CCDC178: variants seen among roughly 807,000 people sequenced by gnomAD.
CCDC178 encodes the protein coiled-coil domain containing 178.
In CCDC178, 126 loss-of-function variants were observed where a neutral mutation model predicts 117.4. The ratio of observed to expected loss-of-function variants is 1.07; its 90% CI spans 0.93 to 1.24. CCDC178 has a LOEUF of 1.24. Ranked by LOEUF, CCDC178 falls within the 50% of genes most tolerant of loss-of-function variation. The probability of loss-of-function intolerance (pLI) is 0.00; values close to 1 mark genes in which losing one functional copy is unlikely to be tolerated. For synonymous variants in CCDC178, 283 were observed against 313.4 expected, an observed-to-expected ratio of 0.90 and a Z score of 1.02; for missense variants, 1,030 against 986.9, an observed-to-expected ratio of 1.04 and a Z score of -0.59.
chr18:33,247,849 T>C (rs1267713530), intron 14 of CCDC178, among the ~76,000 whole-genome samples: 1 of 151,818 alleles, frequency 6.6e-6, no homozygotes, highest in African/African-American at 2.4e-5. Context: ...TGGTGTGTGT[T>C]TGAGTATGTG....
chr18:33,079,243 G>A (rs1199378917), intron 21 of CCDC178, among the ~76,000 whole-genome samples: 1 of 152,076 alleles, frequency 6.6e-6, no homozygotes. Context: ...TTTGAAACTG[G>A]ACCCCTTCCT....
chr18:33,031,114 T>C (rs929307107), intron 21 of CCDC178, among the ~76,000 whole-genome samples: 3 of 152,172 alleles, frequency 2.0e-5, no homozygotes, highest in Non-Finnish European at 4.4e-5. Context: ...CATCCATTTG[T>C]TTCTTTCTAG....
intron 20 of CCDC178, among the ~76,000 whole-genome samples, chr18:33,197,336 C>A (rs458671): frequency 6.8e-4 from 104 of 152,262 alleles, no homozygotes; most frequent in Middle Eastern, 3.4e-3. Flanking sequence ...GCCACTTGAT[C>A]TTAGTACCCA....
rs2054994898 is a variant in CCDC178, at chr18:32,974,597, T to C, written c.2473A>G (p.Asn825Asp). Reference sequence around the variant, plus strand: ...CTCTCCTGAGAGTCTGTCTGGAAGTTGGCCAGCCTCATCTGGCTGAAGAGG... The same window carrying C: ...CTCTCCTGAGAGTCTGTCTGGAAGTCGGCCAGCCTCATCTGGCTGAAGAGG... Reference protein sequence around the residue: ...VVLFSQMRLANFQTDSQESIQ... With the variant: ...VVLFSQMRLADFQTDSQESIQ... Residue 825 changes from asparagine (N) to aspartate (D), a missense_variant, in exon 22 of 23, where the codon AAC becomes GAC. Physicochemically the swap from Asn to Asp is conservative, Grantham distance 23 (BLOSUM62 1). Transcript: ENST00000383096. The C allele has an allele frequency of 3.1e-6, 5 of 1,613,612 alleles. No individual in the cohort carries two copies. Among genetic ancestry groups the C allele is most frequent in the Admixed American group, 3.3e-5 (2 of 59,974 alleles).
chr18:33,307,292 C>A (rs771062118), intron 11 of CCDC178, among the ~76,000 whole-genome samples: 2 of 152,122 alleles, frequency 1.3e-5, no homozygotes, highest in Admixed American at 1.3e-4. Context: ...GTGATATGGA[C>A]AATGAAGTCC....
chr18:33,189,835 A>G (rs558874583), intron 20 of CCDC178, among the ~76,000 whole-genome samples: 1 of 152,322 alleles, frequency 6.6e-6, no homozygotes, highest in South Asian at 2.1e-4. Context: ...AGTTTAGAGT[A>G]TGTCAAAAGA....
intron 17 of CCDC178, among the ~76,000 whole-genome samples, chr18:33,224,170 T>G (rs1321420871): frequency 6.6e-6 from 1 of 152,132 alleles, no homozygotes; most frequent in African/African-American, 2.4e-5. Context: ...ATGTCTCAAA[T>G]AAATATATGT....
intron 11 of CCDC178, among the ~76,000 whole-genome samples, chr18:33,320,674 G>T (rs1449219016): frequency 3.3e-5 from 5 of 151,996 alleles, no homozygotes; most frequent in Admixed American, 6.6e-5. Flanking sequence ...CAAGGTAATT[G>T]ATAGATTCAA....
intron 21 of CCDC178, among the ~76,000 whole-genome samples, chr18:33,066,822 G>T (rs1214022469): frequency 6.6e-6 from 1 of 152,122 alleles, no homozygotes. Context: ...ATGTATATAT[G>T]CACCCAACAC....
intron 20 of CCDC178, among the ~76,000 whole-genome samples, chr18:33,127,171 C>T (rs2058017668): frequency 6.7e-6 from 1 of 150,220 alleles, no homozygotes; most frequent in African/African-American, 2.4e-5. Flanking sequence ...TTGAAATCTC[C>T]CTTTTCAGTT....
In CCDC178 at chr18:32,983,441, C is replaced by A. The variant is rs2055194278; in HGVS notation, c.2389-8760G>T. 10 of 731,774 alleles carry A rather than the reference C, an allele frequency of 1.4e-5. No homozygotes were observed. In the East Asian group the frequency reaches 2.4e-4, roughly 18 times the overall value. 45.3% of individuals were successfully genotyped at this position (731,774 alleles called of 1,614,324 possible). Reference sequence around the variant, plus strand: ...TACAAACACAGTCAAACAAATAGTACAACTGTAGAAGCAGCTCTAAGATTT... The same window carrying A: ...TACAAACACAGTCAAACAAATAGTAAAACTGTAGAAGCAGCTCTAAGATTT... On this transcript the variant is annotated intron_variant, in intron 21 of 22. Coordinates refer to ENST00000383096, the MANE Select transcript of CCDC178 (RefSeq NM_001105528.4).
intron 22 of CCDC178, among the ~76,000 whole-genome samples, chr18:32,947,495 A>G (rs1338821460): frequency 6.6e-6 from 1 of 152,158 alleles, no homozygotes; most frequent in Admixed American, 6.5e-5. Context: ...TGCCATTTGT[A>G]TATCTTCTTT....
At chr18:33,259,294 T>A (rs1039827122) in intron 14 of CCDC178, among the ~76,000 whole-genome samples, 2 of 152,212 alleles carry the variant, frequency 1.3e-5, no homozygotes, top group Admixed American at 1.3e-4. Context: ...TGAGCTGCAG[T>A]GCAGAAGCTC....
chr18:33,229,240 G>A (rs189854027), intron 15 of CCDC178, among the ~76,000 whole-genome samples: 12 of 152,232 alleles, frequency 7.9e-5, no homozygotes, highest in Middle Eastern at 3.4e-3. Context: ...CATCAGATTT[G>A]CCCCAAGTTG....
intron 15 of CCDC178, among the ~76,000 whole-genome samples, chr18:33,244,501 T>C (rs1195490370): frequency 6.6e-6 from 1 of 151,716 alleles, no homozygotes; most frequent in Non-Finnish European, 1.5e-5. Context: ...TGATAGTGAG[T>C]AAGTTCTCAT....
chr18:33,313,179 G>A (rs1262158397), intron 11 of CCDC178, among the ~76,000 whole-genome samples: 1 of 152,174 alleles, frequency 6.6e-6, no homozygotes, highest in Non-Finnish European at 1.5e-5. Flanking sequence ...CATCTTACAT[G>A]CACATAGGGC....
At chr18:33,001,842 C>T (rs2055640529) in intron 21 of CCDC178, among the ~76,000 whole-genome samples, 1 of 152,068 alleles carries the variant, frequency 6.6e-6, no homozygotes, top group Admixed American at 6.6e-5. Flanking sequence ...GAAAAAGATA[C>T]TCCATGCAAA....
chr18:32,994,592 A>G (rs1481266213), intron 21 of CCDC178, among the ~76,000 whole-genome samples: 2 of 152,246 alleles, frequency 1.3e-5, no homozygotes, highest in Non-Finnish European at 2.9e-5. Flanking sequence ...GACACACAGT[A>G]CTTCATTTAT....
intron 9 of CCDC178, 80 bp from the exon 10 acceptor site, chr18:33,333,474 T>C: frequency 3.3e-6 from 2 of 602,142 alleles, no homozygotes; most frequent in Non-Finnish European, 5.2e-6. Flanking sequence ...AACATTTTAA[T>C]TTCAGAAATT....
Sources: allele counts gnomAD v4.1 joint callset (sites outside exome capture counted in the v4.1 genomes callset), GRCh38; gene constraint gnomAD v4.1.1; transcripts MANE v1.5; gene names NCBI Gene and HGNC (gene_info 2026-07-23, HGNC 2026-07-21).